The following CCSER1 variants were observed in gnomAD, a reference collection of about 807,000 sequenced individuals.
CCSER1 encodes the protein coiled-coil serine rich protein 1, also known as serine-rich coiled-coil domain-containing protein 1.
In CCSER1, 41 loss-of-function variants were observed where a neutral mutation model predicts 82.0. The observed-to-expected ratio is 0.50, with a 90% confidence interval of 0.39 to 0.65. CCSER1 has a LOEUF of 0.65. CCSER1 is among the 30% of genes least tolerant of loss of function. CCSER1 has a pLI of 0.00. For synonymous variants in CCSER1, 414 were observed against 383.9 expected, an observed-to-expected ratio of 1.08 and a Z score of -0.92; for missense variants, 1,119 against 1,064.2, an observed-to-expected ratio of 1.05 and a Z score of -0.72.
At chr4:91,370,011 AC>A (rs1363003474) in intron 10 of CCSER1, among the ~76,000 whole-genome samples, 2 of 151,878 alleles carry the variant, frequency 1.3e-5, no homozygotes, top group African/African-American at 4.8e-5. Flanking sequence ...TGATTACTGA[AC>A]CCTTACTTCT....
chr4:90,890,633 C>A (rs1306173160), intron 8 of CCSER1, among the ~76,000 whole-genome samples: 1 of 152,148 alleles, frequency 6.6e-6, no homozygotes, highest in Admixed American at 6.6e-5. Flanking sequence ...TTCTCCAGAG[C>A]TTTCCTGTGG....
At chr4:90,293,901 A>G (rs1353397824) in intron 1 of CCSER1, among the ~76,000 whole-genome samples, 2 of 151,946 alleles carry the variant, frequency 1.3e-5, no homozygotes, top group African/African-American at 4.8e-5. Flanking sequence ...AAATCATCAT[A>G]TTACTTAAAT....
chr4:91,174,979 C>T (rs1457982855), intron 10 of CCSER1, among the ~76,000 whole-genome samples: 1 of 152,092 alleles, frequency 6.6e-6, no homozygotes. Context: ...CTGCTCCCCC[C>T]ACCCCACAAC....
At chr4:91,110,461 A>C (rs1726004822) in intron 10 of CCSER1, among the ~76,000 whole-genome samples, 1 of 152,062 alleles carries the variant, frequency 6.6e-6, no homozygotes, top group Non-Finnish European at 1.5e-5. Context: ...TTAATAAGAC[A>C]GTAGACATTC....
At chr4:91,369,220 C>G (rs937043756) in intron 10 of CCSER1, among the ~76,000 whole-genome samples, 1 of 150,334 alleles carries the variant, frequency 6.7e-6, no homozygotes, top group African/African-American at 2.5e-5. Flanking sequence ...TTTGTTCTTT[C>G]CCTCTGCTTT....
chr4:90,642,605 T>C lies in CCSER1; in HGVS notation c.1932+14373T>C, dbSNP rs1170245178. On this transcript the variant is annotated intron_variant, in intron 6 of 10. Coordinates refer to ENST00000509176, the MANE Select transcript of CCSER1 (RefSeq NM_001145065.2). Reference sequence around the variant, plus strand: ...TGTAATCCCAGCACTTCAGATAGCCTAGGCAGGAGGATTGCTTGAGCTCAG... The same window carrying C: ...TGTAATCCCAGCACTTCAGATAGCCCAGGCAGGAGGATTGCTTGAGCTCAG... 3 of 152,178 alleles carry C rather than the reference T, an allele frequency of 2.0e-5. No homozygotes were observed. In the East Asian group the frequency reaches 5.8e-4, roughly 29 times the overall value. 9.4% of individuals were successfully genotyped at this position (152,178 alleles called of 1,614,324 possible). A position where few individuals can be genotyped will look rare whatever the true frequency, so the allele number is the denominator to read the frequency against.
At chr4:90,914,638 A>G (rs1480405479) in intron 8 of CCSER1, among the ~76,000 whole-genome samples, 4 of 152,108 alleles carry the variant, frequency 2.6e-5, no homozygotes, top group African/African-American at 9.7e-5. Context: ...AGAAATAACT[A>G]AGATCAGAGC....
At position 90,420,989 on chromosome 4, in the gene CCSER1, G is replaced by A. The variant is rs189330609; in HGVS notation, c.1603+20860G>A. Among the ~76,000 whole-genome samples the A allele has an allele frequency of 3.2e-3, 488 of 152,216 alleles. 3 individuals carry two copies. Among genetic ancestry groups the A allele is most frequent in the African/African-American group, 0.011 (460 of 41,554 alleles). Reference sequence around the variant, plus strand: ...TTGAATAATGCCAGGAACATCAGCTGTCACTATCAAAATGAACAAGTAATT... The same window carrying A: ...TTGAATAATGCCAGGAACATCAGCTATCACTATCAAAATGAACAAGTAATT... On this transcript the variant is annotated intron_variant, in intron 4 of 10. Coordinates refer to ENST00000509176, the MANE Select transcript of CCSER1 (RefSeq NM_001145065.2).
intron 10 of CCSER1, among the ~76,000 whole-genome samples, chr4:91,474,484 T>C (rs1757454655): frequency 1.3e-5 from 2 of 151,580 alleles, no homozygotes; most frequent in African/African-American, 4.8e-5. Context: ...ATCATTCTAT[T>C]CTATTCTTAA....
rs560730637 is a variant in CCSER1, at chr4:90,340,277, G to T, written c.1509+27230G>T. Among the ~76,000 whole-genome samples the T allele has an allele frequency of 1.9e-3, 296 of 152,264 alleles. 1 individual carries two copies. The highest frequency in any genetic ancestry group is 6.2e-3 in the African/African-American group (257 of 41,566). On this transcript the variant is annotated intron_variant, in intron 3 of 10. Coordinates refer to ENST00000509176, the MANE Select transcript of CCSER1 (RefSeq NM_001145065.2). Reference sequence around the variant, plus strand: ...TAGAATACACATCCTAGTGCATGTTGCAAGGCTCCAAATATATCTATTCTA... The same window carrying T: ...TAGAATACACATCCTAGTGCATGTTTCAAGGCTCCAAATATATCTATTCTA...
chr4:91,214,916 G>T (rs1737125097), intron 10 of CCSER1, among the ~76,000 whole-genome samples: 1 of 152,030 alleles, frequency 6.6e-6, no homozygotes, highest in Non-Finnish European at 1.5e-5. Context: ...TGTATAATAT[G>T]ATGGAAATTT....
intron 8 of CCSER1, among the ~76,000 whole-genome samples, chr4:90,821,554 A>G (rs1759723463): frequency 6.6e-6 from 1 of 152,208 alleles, no homozygotes; most frequent in Admixed American, 6.5e-5. Context: ...TCCAACAGAA[A>G]GATTTAGGGA....
Position 90,587,192 on chromosome 4 carries a change from G to A in CCSER1, c.1725-40833G>A, listed in dbSNP as rs1042236820. 9.2e-5 allele frequency among the ~76,000 whole-genome samples: 14 copies of A among 152,298 alleles called. No individual in the cohort carries two copies. The South Asian group carries it at 2.9e-3, about 32-fold the overall frequency. ...CTCAAAAAGAAAAATAGTCTTGCAG[G>A]CACCTTGATTTTAGACCAGTGAGAC... On this transcript the variant is annotated intron_variant, in intron 5 of 10. Coordinates refer to ENST00000509176, the MANE Select transcript of CCSER1 (RefSeq NM_001145065.2).
intron 4 of CCSER1, among the ~76,000 whole-genome samples, chr4:90,438,322 G>T (rs1406653502): frequency 6.6e-6 from 1 of 152,038 alleles, no homozygotes; most frequent in Non-Finnish European, 1.5e-5. Flanking sequence ...AACAATTAAT[G>T]GAGTAATTTT....
At chr4:90,408,059 A>G (rs1236226717) in intron 4 of CCSER1, among the ~76,000 whole-genome samples, 1 of 152,202 alleles carries the variant, frequency 6.6e-6, no homozygotes, top group Non-Finnish European at 1.5e-5. Flanking sequence ...TCTAAGATCA[A>G]ACTGCAAGGC....
intron 4 of CCSER1, among the ~76,000 whole-genome samples, chr4:90,425,706 A>T (rs1757427193): frequency 6.6e-6 from 1 of 152,198 alleles, no homozygotes; most frequent in Non-Finnish European, 1.5e-5. Flanking sequence ...CTTGATCATT[A>T]ACCTATTTAA....
chr4:90,693,061 A>T (rs1245591265), intron 6 of CCSER1, among the ~76,000 whole-genome samples: 2 of 151,968 alleles, frequency 1.3e-5, no homozygotes, highest in African/African-American at 4.8e-5. Context: ...GTAAAGTGTC[A>T]CTTGTGCGGA....
intron 6 of CCSER1, among the ~76,000 whole-genome samples, chr4:90,716,401 G>C (rs1186468580): frequency 6.6e-6 from 1 of 151,928 alleles, no homozygotes; most frequent in African/African-American, 2.4e-5. Context: ...CAAAAATGTA[G>C]AAAGTAATAA....
At chr4:90,682,496 T>C (rs1734065491) in intron 6 of CCSER1, among the ~76,000 whole-genome samples, 1 of 152,036 alleles carries the variant, frequency 6.6e-6, no homozygotes, top group Non-Finnish European at 1.5e-5. Flanking sequence ...ATTATGTCAA[T>C]AACATATTAA....
Sources: gnomAD v4.1 joint callset for allele counts (sites outside exome capture counted in the v4.1 genomes callset) on GRCh38, gnomAD v4.1.1 for gene constraint, MANE v1.5 for transcripts, NCBI Gene and HGNC (gene_info 2026-07-23, HGNC 2026-07-21) for gene names.